Variants in RSU1 observed in about 807,000 individuals in gnomAD.
RSU1 encodes Ras suppressor protein 1, also known as rsu-1.
RSU1 carries 26 observed loss-of-function variants against 31.1 expected under a neutral mutation model. The ratio of observed to expected loss-of-function variants is 0.84; its 90% confidence interval spans 0.61 to 1.16. RSU1 has a LOEUF of 1.16. Ranked by LOEUF, RSU1 falls within the 50% of genes most tolerant of loss-of-function variation. The probability of loss-of-function intolerance (pLI) is 0.00; values close to 1 mark genes in which losing one functional copy is unlikely to be tolerated. For synonymous variants in RSU1, 164 were observed against 136.3 expected (o/e 1.20, Z -1.41); for missense variants, 320 against 339.1 (o/e 0.94, Z 0.44).
chr10:16,740,363 G>T (rs1388982828), intron 7 of RSU1, among the ~76,000 whole-genome samples: 1 of 151,990 alleles, frequency 6.6e-6, no homozygotes, highest in African/African-American at 2.4e-5. Context: ...ATCTGACAAG[G>T]TTTACACAAA....
At chr10:16,630,187 G>A (rs1834225633) in intron 8 of RSU1, among the ~76,000 whole-genome samples, 1 of 152,040 alleles carries the variant, frequency 6.6e-6, no homozygotes, top group Admixed American at 6.6e-5. Context: ...ATTACAACAG[G>A]TGCAAGCCAC....
chr10:16,735,216 A>T (rs1434803183), intron 7 of RSU1, among the ~76,000 whole-genome samples: 3 of 152,236 alleles, frequency 2.0e-5, no homozygotes, highest in African/African-American at 7.2e-5. Flanking sequence ...CCAAGAAATT[A>T]TTCTAGGGGT....
chr10:16,644,905 T>C (rs1834507947), intron 8 of RSU1, among the ~76,000 whole-genome samples: 1 of 152,216 alleles, frequency 6.6e-6, no homozygotes, highest in Non-Finnish European at 1.5e-5. Context: ...TATTTTTTCA[T>C]GAAAGCATTC....
intron 4 of RSU1, among the ~76,000 whole-genome samples, chr10:16,762,951 T>A (rs1199576051): frequency 6.6e-6 from 1 of 150,682 alleles, no homozygotes; most frequent in Non-Finnish European, 1.5e-5. Context: ...AGGCGGAGGC[T>A]GCAGCTAGCC....
chr10:16,794,048 C>T (rs12217266), intron 2 of RSU1, among the ~76,000 whole-genome samples: 2,705 of 152,208 alleles, frequency 0.018, 68 homozygotes, highest in East Asian at 0.14. Context: ...GATCCATCTT[C>T]TCCTGCCCTC....
At position 16,631,137 on chromosome 10, in the gene RSU1, T is replaced by C. The variant is rs45567935; in HGVS notation, c.732-37641A>G. 7.9e-5 allele frequency among the ~76,000 whole-genome samples: 12 copies of C among 152,354 alleles called. No individual in the cohort carries two copies. In the South Asian group the frequency reaches 1.9e-3, roughly 24 times the overall value. ...TCCAATCGTAATCAGCATCCAACTG[T>C]CTGCTAGCAAACCATTTCTAATAAT... is the stretch of plus-strand genomic sequence containing the variant. On this transcript the variant is annotated intron_variant, in intron 8 of 8. Transcript: ENST00000345264.
At chr10:16,779,560 C>G (rs961638676) in intron 3 of RSU1, among the ~76,000 whole-genome samples, 3 of 151,886 alleles carry the variant, frequency 2.0e-5, no homozygotes, top group African/African-American at 7.3e-5. Context: ...TGTCAGAGAA[C>G]GGTGTAATTG....
chr10:16,614,805 CAAG>C (rs2131471608), intron 8 of RSU1, among the ~76,000 whole-genome samples: 1 of 152,182 alleles, frequency 6.6e-6, no homozygotes, highest in East Asian at 1.9e-4. Flanking sequence ...GCCACCGAGG[CAAG>C]AATCGTGAAC....
At chr10:16,723,304 C>CA (rs1836321153) in intron 7 of RSU1, 1 of 152,056 alleles carries the variant, frequency 6.6e-6, no homozygotes, top group South Asian at 2.1e-4. Context: ...AAAATTTTCT[C>CA]AAAAATGTTG....
intron 7 of RSU1, among the ~76,000 whole-genome samples, chr10:16,749,819 G>A (rs1836937723): frequency 1.3e-5 from 2 of 152,146 alleles, no homozygotes; most frequent in Admixed American, 1.3e-4. Context: ...ACATCTCTCC[G>A]CCTGCCTTTT....
At chr10:16,715,779 C>A (rs1439685308) in intron 7 of RSU1, among the ~76,000 whole-genome samples, 2 of 152,142 alleles carry the variant, frequency 1.3e-5, no homozygotes, top group Non-Finnish European at 2.9e-5. Flanking sequence ...GTTTTGACTA[C>A]TTGAGGTCTG....
chr10:16,697,098 T>C (rs1324166878), intron 7 of RSU1, among the ~76,000 whole-genome samples: 1 of 152,184 alleles, frequency 6.6e-6, no homozygotes, highest in Non-Finnish European at 1.5e-5. Flanking sequence ...GTATTTTATG[T>C]GCACGATGGT....
chr10:16,614,317 T>A (rs1833940236), intron 8 of RSU1, among the ~76,000 whole-genome samples: 1 of 151,866 alleles, frequency 6.6e-6, no homozygotes, highest in African/African-American at 2.4e-5. Flanking sequence ...TCAAAGCAAT[T>A]GAACTCATGG....
chr10:16,733,143 T>C (rs2131602302), intron 7 of RSU1, among the ~76,000 whole-genome samples: 1 of 152,156 alleles, frequency 6.6e-6, no homozygotes, highest in South Asian at 2.1e-4. Context: ...TATTCATTTC[T>C]AAAAACTGGT....
At chr10:16,731,478 T>C (rs1386827928) in intron 7 of RSU1, among the ~76,000 whole-genome samples, 1 of 151,842 alleles carries the variant, frequency 6.6e-6, no homozygotes, top group African/African-American at 2.4e-5. Context: ...TATACTAACC[T>C]TTTCTGAGTT....
chr10:16,659,186 C>A (rs888216557), intron 8 of RSU1, among the ~76,000 whole-genome samples: 5 of 151,944 alleles, frequency 3.3e-5, no homozygotes, highest in African/African-American at 1.2e-4. Context: ...TTAATGGTAT[C>A]CTTTGATAAA....
chr10:16,731,384 A>G (rs1836508666), intron 7 of RSU1, among the ~76,000 whole-genome samples: 1 of 150,868 alleles, frequency 6.6e-6, no homozygotes, highest in Non-Finnish European at 1.5e-5. Context: ...GAGCCGAGAT[A>G]GCACCACTGC....
intron 2 of RSU1, among the ~76,000 whole-genome samples, chr10:16,806,188 T>C (rs1838263755): frequency 6.6e-6 from 1 of 152,184 alleles, no homozygotes; most frequent in Admixed American, 6.5e-5. Flanking sequence ...TAAACATAGG[T>C]AGTGTCCCTG....
At position 16,673,161 on chromosome 10, in the gene RSU1, C is replaced by T. The variant is rs544189865; in HGVS notation, c.731+21862G>A. 3.9e-5 allele frequency among the ~76,000 whole-genome samples: 6 copies of T among 152,332 alleles called. No individual in the cohort carries two copies. The South Asian group carries it at 1.2e-3, about 32-fold the overall frequency. ...GTCCTTTGACCCCATTGAAATGCTT[C>T]TTCAGGGTCCATAAGTCCCGCTGGG... On this transcript the variant is annotated intron_variant, in intron 8 of 8. Transcript: ENST00000345264.
Sources: allele counts gnomAD v4.1 joint callset (sites outside exome capture counted in the v4.1 genomes callset), GRCh38; gene constraint gnomAD v4.1.1; transcripts MANE v1.5; gene names NCBI Gene and HGNC (gene_info 2026-07-23, HGNC 2026-07-21).